MACF1: variants seen among roughly 807,000 people sequenced by gnomAD.
MACF1 encodes microtubule actin crosslinking factor 1, also known as microtubule-actin cross-linking factor 1.
In MACF1, 193 loss-of-function variants were observed where a neutral mutation model predicts 854.8. That is an observed-to-expected ratio of 0.23 (90% CI 0.20 to 0.25). The LOEUF is 0.25. Among genes scored for constraint, MACF1 ranks in the 10% least tolerant of loss-of-function variants. The pLI, the probability that MACF1 is intolerant of heterozygous loss-of-function variation, is 1.00. For synonymous variants in MACF1, 3,185 were observed against 3,226.7 expected, an observed-to-expected ratio of 0.99 and a Z score of 0.44; for missense variants, 7,722 against 8,929.1, an observed-to-expected ratio of 0.86 and a Z score of 5.45.
chr1:39,154,227 C>G (rs941287164), intron 2 of MACF1: 4 of 152,238 alleles, frequency 2.6e-5, no homozygotes, highest in African/African-American at 9.7e-5. Context: ...AAGTACTAAC[C>G]AGGCCTGGCC....
chr1:39,368,250 C>T lies in MACF1; in HGVS notation c.12874C>T (p.His4292Tyr), dbSNP rs767303763. 6.2e-7 allele frequency: 1 copy of T among 1,614,104 alleles called. No individual in the cohort carries two copies. Among genetic ancestry groups the T allele is most frequent in the Non-Finnish European group, 8.5e-7 (1 of 1,180,014 alleles). Reference protein sequence around the residue: ...SCGFALDLCQHQDRVQNLRKD... With the variant: ...SCGFALDLCQYQDRVQNLRKD... ...TGGCTTTGCGCTGGACTTGTGCCAGCATCAGGACAGGGTACAGAATCTAAG... is the reference window on the plus strand; with the variant it reads ...TGGCTTTGCGCTGGACTTGTGCCAGTATCAGGACAGGGTACAGAATCTAAG... The change falls in exon 50 of 101, where the codon CAT (histidine) becomes TAT (tyrosine). Residue 4292 changes from histidine (H) to tyrosine (Y), a missense_variant. By Grantham distance (83) the His-to-Tyr change is moderately conservative. Around this residue, in one of 15 missense-constraint regions of MACF1, gnomAD observed 2,807 missense variants for 3,235.8 expected, o/e 0.87. Transcript: ENST00000564288.
chr1:39,148,405 A>G (rs891065468), intron 2 of MACF1, among the ~76,000 whole-genome samples: 1 of 152,148 alleles, frequency 6.6e-6, no homozygotes, highest in Non-Finnish European at 1.5e-5. Context: ...TAAAATATTC[A>G]TGTTTGTTGT....
intron 67 of MACF1, 72 bp from the exon 68 acceptor site, chr1:39,432,976 A>AT (rs1356417181): frequency 4.2e-6 from 4 of 954,574 alleles, no homozygotes; most frequent in East Asian, 2.6e-5. Context: ...TTTTTCATAG[A>AT]TTTTGTCTTA....
intron 58 of MACF1, among the ~76,000 whole-genome samples, chr1:39,401,548 T>A (rs564448239): frequency 6.6e-6 from 1 of 152,338 alleles, no homozygotes; most frequent in Admixed American, 6.5e-5. Flanking sequence ...CATACCAGAT[T>A]GAGATGTTTT....
intron 2 of MACF1, among the ~76,000 whole-genome samples, chr1:39,096,527 C>A (rs1005890702): frequency 7.3e-5 from 11 of 150,338 alleles, no homozygotes; most frequent in Non-Finnish European, 1.5e-4. Context: ...AGGCAGAGGT[C>A]GTAGTGAGTC....
intron 72 of MACF1, among the ~76,000 whole-genome samples, chr1:39,440,040 T>TTACAA (rs1162478742): frequency 1.3e-5 from 2 of 151,998 alleles, no homozygotes; most frequent in Non-Finnish European, 2.9e-5. Flanking sequence ...ATAACAGTTG[T>TTACAA]TACATTGACA....
rs1181015424 is a variant in MACF1 at position 39,338,701 on chromosome 1, A to AT, written c.10215+1372dup. Among the ~76,000 whole-genome samples the AT allele has an allele frequency of 2.0e-5, 3 of 152,174 alleles. No homozygotes were observed. In the East Asian group the frequency reaches 5.8e-4, roughly 29 times the overall value. On this transcript the variant is annotated intron_variant, in intron 38 of 100. Coordinates refer to ENST00000564288, the MANE Select transcript of MACF1 (RefSeq NM_001394062.1). ...AATATTCCATACAGAAATCAGTAGG[A>AT]TTAACTGGAAGTTCACATACATACT...
intron 2 of MACF1, among the ~76,000 whole-genome samples, chr1:39,101,975 G>C (rs2148132166): frequency 6.6e-6 from 1 of 151,566 alleles, no homozygotes; most frequent in Admixed American, 6.6e-5. Flanking sequence ...AGGAGATCGA[G>C]ACCATCCTGG....
Position 39,434,523 on chromosome 1 carries a change from C to T in MACF1, c.17675C>T (p.Thr5892Ile), listed in dbSNP as rs949807516. ...GTCTTAGTAAACCAGTTTTGGGAAACTTATGAAGAGCTCAGCCCCTGGATT... is the reference window on the plus strand; with the variant it reads ...GTCTTAGTAAACCAGTTTTGGGAAATTTATGAAGAGCTCAGCCCCTGGATT... ...AQVLVNQFWE[T>I]YEELSPWIEE... is the part of the protein sequence containing the mutation. The change falls in exon 69 of 101, where the codon ACT (threonine) becomes ATT (isoleucine). Residue 5892 changes from threonine to isoleucine, a missense_variant. Thr to Ile is a moderately conservative substitution (Grantham distance 89). Coordinates refer to ENST00000564288, the MANE Select transcript of MACF1 (RefSeq NM_001394062.1). The T allele has an allele frequency of 6.2e-7, 1 of 1,613,726 alleles. No individual in the cohort carries two copies. Among genetic ancestry groups the T allele is most frequent in the Non-Finnish European group, 8.5e-7 (1 of 1,179,962 alleles).
chr1:39,334,224 A>T lies in MACF1; in HGVS notation c.7636A>T (p.Ile2546Phe). The T allele has an allele frequency of 6.2e-7, 1 of 1,614,160 alleles. No individual in the cohort carries two copies. Among genetic ancestry groups the T allele is most frequent in the Non-Finnish European group, 8.5e-7 (1 of 1,180,002 alleles). ...KRVENLNIHQ[I>F]FNPETKENIS... Reference sequence around the variant, plus strand: ...AGTTGAGAACTTAAACATCCATCAGATTTTTAATCCTGAAACGAAGGAAAA... The same window carrying T: ...AGTTGAGAACTTAAACATCCATCAGTTTTTTAATCCTGAAACGAAGGAAAA... Residue 2546 changes from isoleucine to phenylalanine, a missense_variant, in exon 37 of 101, where the codon ATT becomes TTT. Physicochemically the swap from Ile to Phe is conservative, Grantham distance 21. Transcript: ENST00000564288.
Position 39,333,057 on chromosome 1 carries a change from A to G in MACF1, c.6469A>G (p.Lys2157Glu). Residue 2157 changes from lysine (K) to glutamate (E), a missense_variant, in exon 37 of 101, where the codon AAG (lysine) becomes GAG (glutamate). This residue lies in a region of MACF1 where 1,531 missense variants were observed against 1,601.6 expected (regional missense o/e 0.96). Coordinates refer to ENST00000564288, the MANE Select transcript of MACF1 (RefSeq NM_001394062.1). ...DKDVFSVETPKKEHQPLRNTS... is the reference protein window; with the variant it reads ...DKDVFSVETPEKEHQPLRNTS... ...AGATGTTTTTTCTGTTGAAACACCAAAGAAAGAACATCAACCTCTAAGAAA... is the reference window on the plus strand; with the variant it reads ...AGATGTTTTTTCTGTTGAAACACCAGAGAAAGAACATCAACCTCTAAGAAA... 2 of 1,614,098 alleles carry G rather than the reference A, an allele frequency of 1.2e-6. No individual in the cohort carries two copies. Among genetic ancestry groups the G allele is most frequent in the East Asian group, 2.2e-5 (1 of 44,878 alleles).
chr1:39,233,919 A>C (rs536416238), intron 2 of MACF1, among the ~76,000 whole-genome samples: 139 of 144,940 alleles, frequency 9.6e-4, no homozygotes, highest in Non-Finnish European at 1.8e-3. Flanking sequence ...TGGTTTTCCT[A>C]GGCAGAGGAC....
intron 54 of MACF1, 24 bp from the exon 55 acceptor site, chr1:39,380,220 C>T: frequency 5.6e-6 from 9 of 1,607,474 alleles, no homozygotes; most frequent in Non-Finnish European, 7.6e-6. Flanking sequence ...AATCTCATGG[C>T]ATGCATGGCA....
intron 6 of MACF1, among the ~76,000 whole-genome samples, chr1:39,274,391 G>A (rs1005144359): frequency 3.3e-5 from 5 of 152,066 alleles, no homozygotes; most frequent in African/African-American, 1.2e-4. Context: ...AACCCATAAC[G>A]GATGGAAAAT....
At chr1:39,419,497 A>G (rs1643449683) in intron 58 of MACF1, among the ~76,000 whole-genome samples, 1 of 151,298 alleles carries the variant, frequency 6.6e-6, no homozygotes, top group South Asian at 2.1e-4. Context: ...TCAACCGGTA[A>G]GTATTTAATG....
intron 6 of MACF1, among the ~76,000 whole-genome samples, chr1:39,263,771 C>CTTTTTTTTTTTTTTTTTTTTT (rs11453750): frequency 5.0e-5 from 5 of 100,166 alleles, no homozygotes; most frequent in Admixed American, 1.4e-4. Context: ...TTTCTTTTTT[C>CTTTTTTTTTTTTTTTTTTTTT]TTTTTTTTTT....
At chr1:39,177,904 C>T (rs1455435555) in intron 2 of MACF1, among the ~76,000 whole-genome samples, 1 of 151,942 alleles carries the variant, frequency 6.6e-6, no homozygotes, top group Admixed American at 6.6e-5. Context: ...ACTGCCATGG[C>T]AATAAAACTC....
chr1:39,198,568 T>C (rs1439484385), intron 2 of MACF1, among the ~76,000 whole-genome samples: 4 of 151,768 alleles, frequency 2.6e-5, no homozygotes, highest in African/African-American at 4.8e-5. Flanking sequence ...GGAGAATTGC[T>C]TGGAGCCGGG....
intron 52 of MACF1, among the ~76,000 whole-genome samples, chr1:39,376,097 T>G (rs1002405117): frequency 5.9e-5 from 9 of 152,186 alleles, no homozygotes; most frequent in South Asian, 2.1e-4. Flanking sequence ...CACTCAAAAA[T>G]AACTTAAAAT....
Sources: gnomAD v4.1 joint callset for allele counts (sites outside exome capture counted in the v4.1 genomes callset) on GRCh38, gnomAD v4.1.1 for gene constraint, gnomAD v4.1.1 regional missense constraint, MANE v1.5 for transcripts, NCBI Gene and HGNC (gene_info 2026-07-23, HGNC 2026-07-21) for gene names.